SRBD1: variants seen among roughly 807,000 people sequenced by gnomAD.
SRBD1 encodes the protein S1 RNA binding domain 1, also known as S1 RNA-binding domain-containing protein 1.
A neutral mutation model predicts 115.3 loss-of-function variants in SRBD1; 88 were observed. The observed-to-expected ratio is 0.76, with a 90% CI of 0.64 to 0.91. SRBD1 has a LOEUF of 0.91. Ranked by LOEUF, SRBD1 falls within the 40% of genes least tolerant of loss-of-function variation. The pLI is 0.00. For synonymous variants in SRBD1, 509 were observed against 407.7 expected (o/e 1.25, Z -2.99); for missense variants, 1,385 against 1,177.4 (o/e 1.18, Z -2.58).
At chr2:45,524,857 A>G (rs999052857) in intron 14 of SRBD1, among the ~76,000 whole-genome samples, 3 of 152,072 alleles carry the variant, frequency 2.0e-5, no homozygotes, top group Admixed American at 6.6e-5. Flanking sequence ...GAAAAAACAA[A>G]GTAGAAGACT....
intron 14 of SRBD1, among the ~76,000 whole-genome samples, chr2:45,539,707 T>A (rs912632099): frequency 1.5e-4 from 23 of 152,138 alleles, no homozygotes; most frequent in African/African-American, 5.6e-4. Flanking sequence ...ACTGGTAGTA[T>A]CTAAGGGAGT....
At chr2:45,411,014 A>T (rs1471119962) in intron 19 of SRBD1, among the ~76,000 whole-genome samples, 9 of 152,160 alleles carry the variant, frequency 5.9e-5, no homozygotes, top group African/African-American at 2.2e-4. Context: ...AGTTCTGCAA[A>T]CTGGCAAATT....
At chr2:45,461,861 A>T (rs1017010641) in intron 16 of SRBD1, among the ~76,000 whole-genome samples, 3 of 152,184 alleles carry the variant, frequency 2.0e-5, no homozygotes, top group African/African-American at 7.2e-5. Context: ...CTTCTGAGAT[A>T]GATGTGGGAG....
chr2:45,580,469 C>T (rs2104178346), intron 6 of SRBD1, among the ~76,000 whole-genome samples: 1 of 150,964 alleles, frequency 6.6e-6, no homozygotes, highest in African/African-American at 2.4e-5. Context: ...CCTCAGTCTC[C>T]CAGGTAGCTG....
intron 4 of SRBD1, among the ~76,000 whole-genome samples, chr2:45,588,448 C>G (rs1435112407): frequency 6.6e-6 from 1 of 152,224 alleles, no homozygotes; most frequent in East Asian, 1.9e-4. Context: ...AAAATCAACT[C>G]ATTTATATTT....
At chr2:45,599,202 T>C (rs572070749) in intron 4 of SRBD1, among the ~76,000 whole-genome samples, 3 of 152,200 alleles carry the variant, frequency 2.0e-5, no homozygotes, top group Non-Finnish European at 2.9e-5. Flanking sequence ...ATATAGTTTA[T>C]GTTCACTAAA....
chr2:45,549,043 G>C (rs898930535), intron 12 of SRBD1: 3 of 152,204 alleles, frequency 2.0e-5, no homozygotes, highest in African/African-American at 2.4e-5. Context: ...AACTGAGAGA[G>C]ATTCAGCACA....
rs771083985 is a variant in SRBD1, at chr2:45,418,432, G to C, written c.2266C>G (p.Pro756Ala). The C allele has an allele frequency of 8.1e-6, 13 of 1,613,736 alleles. No individual in the cohort carries two copies. In the South Asian group the frequency reaches 1.1e-4, roughly 14 times the overall value. The change falls in exon 18 of 21, where the codon CCA (proline) becomes GCA (alanine). Residue 756 changes from proline to alanine, a missense_variant. Coordinates refer to ENST00000263736, the MANE Select transcript of SRBD1 (RefSeq NM_018079.5). ...CCAGCACACTGTTGGAAGGATTTTGGGCCCAGCCCTTTCACTTTCTTCAGC... is the reference window on the plus strand; with the variant it reads ...CCAGCACACTGTTGGAAGGATTTTGCGCCCAGCCCTTTCACTTTCTTCAGC... Reference protein sequence around the residue: ...EQLKKVKGLGPKSFQQCAGFI... With the variant: ...EQLKKVKGLGAKSFQQCAGFI...
At chr2:45,461,340 T>A (rs79508691) in intron 16 of SRBD1, among the ~76,000 whole-genome samples, 2 of 152,228 alleles carry the variant, frequency 1.3e-5, no homozygotes, top group Admixed American at 6.5e-5. Flanking sequence ...TGGTTGGTAC[T>A]TGGCACATCT....
intron 18 of SRBD1, among the ~76,000 whole-genome samples, chr2:45,416,459 C>T (rs1667835156): frequency 1.3e-5 from 2 of 152,048 alleles, no homozygotes; most frequent in South Asian, 4.2e-4. Context: ...CAATAAGACA[C>T]TGATTAGACT....
At chr2:45,436,063 AAATAT>A (rs1401997341) in intron 16 of SRBD1, among the ~76,000 whole-genome samples, 2 of 152,186 alleles carry the variant, frequency 1.3e-5, no homozygotes, top group African/African-American at 4.8e-5. Context: ...CACCATAGCC[AAATAT>A]AATATATCTC....
At chr2:45,466,311 A>G (rs1669488997) in intron 16 of SRBD1, among the ~76,000 whole-genome samples, 2 of 151,682 alleles carry the variant, frequency 1.3e-5, no homozygotes, top group African/African-American at 4.8e-5. Flanking sequence ...GCTCCTCTCC[A>G]TTTTCTTCCT....
At chr2:45,539,442 T>C (rs940061525) in intron 14 of SRBD1, among the ~76,000 whole-genome samples, 4 of 152,114 alleles carry the variant, frequency 2.6e-5, no homozygotes, top group African/African-American at 4.8e-5. Context: ...CTCTCACATA[T>C]GTAAAGCTAG....
intron 14 of SRBD1, chr2:45,546,396 C>T (rs929695709): frequency 1.1e-6 from 1 of 940,982 alleles, no homozygotes; most frequent in Non-Finnish European, 1.3e-6. Flanking sequence ...TCACAGTCTA[C>T]TAGCTGCTAG....
chr2:45,603,517 A>C (rs971528297), intron 2 of SRBD1, among the ~76,000 whole-genome samples: 55 of 151,910 alleles, frequency 3.6e-4, no homozygotes, highest in African/African-American at 1.2e-3. Flanking sequence ...TCGATACAGG[A>C]ATCTATATTT....
chr2:45,474,438 C>T (rs1669745242), intron 16 of SRBD1, among the ~76,000 whole-genome samples: 1 of 152,208 alleles, frequency 6.6e-6, no homozygotes, highest in Non-Finnish European at 1.5e-5. Context: ...AATTTATCTT[C>T]TCAGGATGAG....
rs531833414 is a variant in SRBD1, at chr2:45,406,033, A to G, written c.2513+7081T>C. Among the ~76,000 whole-genome samples, 21 of 152,308 alleles carry G rather than the reference A, an allele frequency of 1.4e-4. No individual in the cohort carries two copies. The South Asian group carries it at 3.9e-3, about 29-fold the overall frequency. On this transcript the variant is annotated intron_variant, in intron 19 of 20. Coordinates refer to ENST00000263736, the MANE Select transcript of SRBD1 (RefSeq NM_018079.5). ...TGATGAGAAGAAGTGAAGACATTAA[A>G]GATACAAGAGACAGTTAGTTATAAA...
chr2:45,558,008 A>G (rs979814761), intron 10 of SRBD1, among the ~76,000 whole-genome samples: 1 of 152,208 alleles, frequency 6.6e-6, no homozygotes, highest in African/African-American at 2.4e-5. Flanking sequence ...AACTTCATAT[A>G]TATAAGATAA....
chr2:45,541,756 T>A (rs960927681), intron 14 of SRBD1, among the ~76,000 whole-genome samples: 10 of 152,224 alleles, frequency 6.6e-5, no homozygotes, highest in African/African-American at 2.4e-4. Context: ...AGTGTCCAGC[T>A]CTCAGCAGAG....
Sources: allele counts gnomAD v4.1 joint callset (sites outside exome capture counted in the v4.1 genomes callset), GRCh38; gene constraint gnomAD v4.1.1; transcripts MANE v1.5; gene names NCBI Gene and HGNC (gene_info 2026-07-23, HGNC 2026-07-21).